The following NR3C2 variants were observed in gnomAD, a reference collection of about 807,000 sequenced individuals.
The protein encoded by NR3C2 is nuclear receptor subfamily 3 group C member 2, also known as mineralocorticoid receptor.
Under a neutral mutation model 86.4 loss-of-function variants are expected in NR3C2, and 15 were observed. That is an observed-to-expected ratio of 0.17 (90% confidence interval 0.12 to 0.27). The LOEUF is 0.27. Ranked by LOEUF, NR3C2 falls within the 10% of genes least tolerant of loss-of-function variation. NR3C2 has a pLI of 1.00. For synonymous variants in NR3C2, 458 were observed against 450.5 expected (o/e 1.02, Z -0.21); for missense variants, 960 against 1,195.6 (o/e 0.80, Z 2.91).
chr4:148,262,069 T>C (rs1009406393), intron 2 of NR3C2, among the ~76,000 whole-genome samples: 1 of 152,228 alleles, frequency 6.6e-6, no homozygotes, highest in Non-Finnish European at 1.5e-5. Flanking sequence ...CTTCAACATA[T>C]TAGCCAGTAA....
At chr4:148,358,982 A>ACACC (rs1745706414) in intron 2 of NR3C2, among the ~76,000 whole-genome samples, 1 of 152,118 alleles carries the variant, frequency 6.6e-6, no homozygotes, top group South Asian at 2.1e-4. Flanking sequence ...ACACACACAC[A>ACACC]CACAGAGTGC....
chr4:148,442,787 C>A, upstream of NR3C2: 1 of 985,434 alleles, frequency 1.0e-6, no homozygotes, highest in Non-Finnish European at 1.2e-6. Context: ...GGCCTCCGCA[C>A]GCTGCCCCCA....
At chr4:148,439,045 A>G (rs1419642789) in intron 1 of NR3C2, among the ~76,000 whole-genome samples, 1 of 152,240 alleles carries the variant, frequency 6.6e-6, no homozygotes, top group Non-Finnish European at 1.5e-5. Flanking sequence ...GTAGTTATCT[A>G]TTAATAGTAA....
At chr4:148,327,117 A>G (rs1043878236) in intron 2 of NR3C2, among the ~76,000 whole-genome samples, 8 of 152,170 alleles carry the variant, frequency 5.3e-5, no homozygotes, top group Non-Finnish European at 1.2e-4. Flanking sequence ...ATTAAATTGG[A>G]AAAAGATGTG....
intron 6 of NR3C2, among the ~76,000 whole-genome samples, chr4:148,135,918 A>G (rs34346258): frequency 0.48 from 55,935 of 117,508 alleles, 13,878 homozygotes; most frequent in East Asian, 0.65. Flanking sequence ...TTAGCCGGGC[A>G]TAGTGGCGGG....
chr4:148,100,433 AAAG>A (rs1731485006), intron 8 of NR3C2, among the ~76,000 whole-genome samples: 2 of 152,220 alleles, frequency 1.3e-5, no homozygotes, highest in Admixed American at 6.5e-5. Context: ...ACGTTTCTTC[AAAG>A]AAGACTTACA....
chr4:148,257,497 G>A (rs1451570773), intron 3 of NR3C2, among the ~76,000 whole-genome samples: 2 of 152,052 alleles, frequency 1.3e-5, no homozygotes, highest in Admixed American at 1.3e-4. Flanking sequence ...ACTTGAGTAA[G>A]GGTCTAACTT....
chr4:148,432,893 C>T (rs886652270), intron 2 of NR3C2, among the ~76,000 whole-genome samples: 1 of 152,040 alleles, frequency 6.6e-6, no homozygotes, highest in Non-Finnish European at 1.5e-5. Context: ...CCAAGAAAAG[C>T]TGTAAAGAAT....
chr4:148,157,610 A>G (rs1169130781), intron 4 of NR3C2, among the ~76,000 whole-genome samples: 1 of 152,132 alleles, frequency 6.6e-6, no homozygotes, highest in Non-Finnish European at 1.5e-5. Context: ...GGGAAGACAG[A>G]TGAATGAGAG....
chr4:148,154,795 C>G lies in NR3C2; in HGVS notation c.2121G>C (p.Gly707=). Reference sequence around the variant, plus strand: ...CTTTTGCAGGAGCGATGTACGTTGTCCCTTCCTCTGGGCTTTGCGGGGGTG... The same window carrying G: ...CTTTTGCAGGAGCGATGTACGTTGTGCCTTCCTCTGGGCTTTGCGGGGGTG... ...PPPPPQSPEE[G]TTYIAPAKEP... Residue 707 remains glycine (G), a synonymous_variant, in exon 5 of 9, where the codon GGG becomes GGC. Coordinates refer to ENST00000358102, the MANE Select transcript of NR3C2 (RefSeq NM_000901.5). 1.2e-6 allele frequency: 2 copies of G among 1,609,556 alleles called. No individual in the cohort carries two copies. Among genetic ancestry groups the G allele is most frequent in the Non-Finnish European group, 1.7e-6 (2 of 1,178,900 alleles).
At chr4:148,207,467 G>A (rs1428167628) in intron 3 of NR3C2, among the ~76,000 whole-genome samples, 2 of 152,136 alleles carry the variant, frequency 1.3e-5, no homozygotes, top group Non-Finnish European at 2.9e-5. Context: ...TGATCATTTG[G>A]CTAAATTTGT....
intron 2 of NR3C2, among the ~76,000 whole-genome samples, chr4:148,318,684 G>A (rs1181561800): frequency 6.6e-6 from 1 of 152,154 alleles, no homozygotes; most frequent in Admixed American, 6.5e-5. Flanking sequence ...CTTATGAAAA[G>A]TGTCTGTTCA....
intron 2 of NR3C2, among the ~76,000 whole-genome samples, chr4:148,353,369 A>G (rs2149995199): frequency 6.6e-6 from 1 of 152,194 alleles, no homozygotes; most frequent in African/African-American, 2.4e-5. Flanking sequence ...GTTTATCAAA[A>G]CCATCATAAG....
chr4:148,136,088 AACACC>A (rs1733322997), intron 6 of NR3C2, among the ~76,000 whole-genome samples: 1 of 142,058 alleles, frequency 7.0e-6, no homozygotes, highest in Non-Finnish European at 1.5e-5. Flanking sequence ...AAAAAAAAAA[AACACC>A]ACCAAAACCA....
intron 2 of NR3C2, among the ~76,000 whole-genome samples, chr4:148,426,711 C>T (rs1413056324): frequency 6.6e-6 from 1 of 152,164 alleles, no homozygotes; most frequent in Non-Finnish European, 1.5e-5. Flanking sequence ...ACATACATTC[C>T]CTCCCTGGGT....
At chr4:148,319,669 A>T (rs372968874) in intron 2 of NR3C2, among the ~76,000 whole-genome samples, 2 of 150,376 alleles carry the variant, frequency 1.3e-5, no homozygotes, top group African/African-American at 2.5e-5. Flanking sequence ...CATGATTTGG[A>T]TCTCTGTTTG....
At chr4:148,276,005 T>C (rs1740942576) in intron 2 of NR3C2, among the ~76,000 whole-genome samples, 1 of 152,162 alleles carries the variant, frequency 6.6e-6, no homozygotes, top group East Asian at 1.9e-4. Context: ...CAAAATTCCA[T>C]AGTACTATTT....
rs184592828 is a variant in NR3C2 at position 148,276,203 on chromosome 4, G to A, written c.1758-16086C>T. ...TCCTGGAATAGGAGAAGGAAGGCACGTGCAGTGGGGGACACCAGAAGAGTG... is the reference window on the plus strand; with the variant it reads ...TCCTGGAATAGGAGAAGGAAGGCACATGCAGTGGGGGACACCAGAAGAGTG... On this transcript the variant is annotated intron_variant, in intron 2 of 8. Coordinates refer to ENST00000358102, the MANE Select transcript of NR3C2 (RefSeq NM_000901.5). Among the ~76,000 whole-genome samples the A allele has an allele frequency of 1.1e-3, 169 of 152,250 alleles. 1 individual carries two copies. Among genetic ancestry groups the A allele is most frequent in the Non-Finnish European group, 4.1e-4 (28 of 68,016 alleles).
chr4:148,270,133 T>C (rs1740605809), intron 2 of NR3C2, among the ~76,000 whole-genome samples: 1 of 152,058 alleles, frequency 6.6e-6, no homozygotes, highest in South Asian at 2.1e-4. Context: ...ACATGCTTCA[T>C]CATGCTGACC....
Sources: gnomAD v4.1 joint callset for allele counts (sites outside exome capture counted in the v4.1 genomes callset) on GRCh38, gnomAD v4.1.1 for gene constraint, MANE v1.5 for transcripts, NCBI Gene and HGNC (gene_info 2026-07-23, HGNC 2026-07-21) for gene names.